Variants in TMEM132C observed in about 807,000 individuals in gnomAD.
TMEM132C encodes the protein transmembrane protein 132C.
TMEM132C carries 29 observed loss-of-function variants against 61.4 expected under a neutral mutation model. The ratio of observed to expected loss-of-function variants is 0.47; its 90% CI spans 0.35 to 0.64. The LOEUF is 0.64. Ranked by LOEUF, TMEM132C falls within the 30% of genes least tolerant of loss-of-function variation. The pLI is 0.00. For synonymous variants in TMEM132C, 656 were observed against 633.1 expected, an observed-to-expected ratio of 1.04 and a Z score of -0.54; for missense variants, 1,408 against 1,476.9, an observed-to-expected ratio of 0.95 and a Z score of 0.76.
chr12:128,639,238 G>C (rs1045202455), intron 4 of TMEM132C, among the ~76,000 whole-genome samples: 1 of 151,008 alleles, frequency 6.6e-6, no homozygotes, highest in Non-Finnish European at 1.5e-5. Context: ...TGGTGATGAT[G>C]ATGGTGATAA....
chr12:128,594,371 C>G (rs1875871113), intron 3 of TMEM132C, among the ~76,000 whole-genome samples: 2 of 151,578 alleles, frequency 1.3e-5, no homozygotes, highest in Non-Finnish European at 2.9e-5. Flanking sequence ...GCCCCCCAAC[C>G]CCACACACAC....
intron 2 of TMEM132C, among the ~76,000 whole-genome samples, chr12:128,484,600 A>T (rs1001584482): frequency 3.9e-5 from 6 of 152,174 alleles, no homozygotes; most frequent in Non-Finnish European, 7.3e-5. Flanking sequence ...TAAAAGGGCC[A>T]TTATGCAGGA....
chr12:128,636,422 T>A (rs1954104180), intron 4 of TMEM132C, among the ~76,000 whole-genome samples: 1 of 152,198 alleles, frequency 6.6e-6, no homozygotes, highest in African/African-American at 2.4e-5. Context: ...ATGTTTAATG[T>A]ACACAATTTC....
In TMEM132C at chr12:128,467,901, C is replaced by G. The variant is rs150096865; in HGVS notation, c.974+52281C>G. Among the ~76,000 whole-genome samples, 350 of 152,318 alleles carry G rather than the reference C, an allele frequency of 2.3e-3. 1 individual carries two copies. Among genetic ancestry groups the G allele is most frequent in the African/African-American group, 7.8e-3 (325 of 41,568 alleles). On this transcript the variant is annotated intron_variant, in intron 2 of 8. Coordinates refer to ENST00000435159, the MANE Select transcript of TMEM132C (RefSeq NM_001136103.3). ...GTGTTACACCAGGATGCTCCTCGCC[C>G]TCATGAGGTTTATAGTCCGGTGGAG...
At chr12:128,551,568 A>G (rs1874176980) in intron 3 of TMEM132C, among the ~76,000 whole-genome samples, 1 of 152,188 alleles carries the variant, frequency 6.6e-6, no homozygotes, top group Admixed American at 6.5e-5. Flanking sequence ...AGCAATTAGC[A>G]TGCTGCCCAG....
chr12:128,360,979 G>A (rs556740754), intron 1 of TMEM132C, among the ~76,000 whole-genome samples: 28 of 152,276 alleles, frequency 1.8e-4, no homozygotes, highest in African/African-American at 6.7e-4. Flanking sequence ...TCAACACATA[G>A]GTCATGAGCT....
At chr12:128,577,673 G>GC (rs1225432416) in intron 3 of TMEM132C, among the ~76,000 whole-genome samples, 2 of 152,230 alleles carry the variant, frequency 1.3e-5, no homozygotes, top group African/African-American at 2.4e-5. Context: ...CTCCAGCCTT[G>GC]CCCTCCTGAA....
At chr12:128,305,493 C>T (rs924829483) in intron 1 of TMEM132C, among the ~76,000 whole-genome samples, 4 of 151,596 alleles carry the variant, frequency 2.6e-5, no homozygotes, top group Admixed American at 6.6e-5. Context: ...GTTAAGTTTC[C>T]GCCGAACTTT....
chr12:128,571,730 A>G (rs1348774782), intron 3 of TMEM132C, among the ~76,000 whole-genome samples: 1 of 152,256 alleles, frequency 6.6e-6, no homozygotes, highest in Non-Finnish European at 1.5e-5. Flanking sequence ...TCTGTTGCAG[A>G]GTCCACAAGA....
At chr12:128,283,255 C>T (rs978305859) in intron 1 of TMEM132C, among the ~76,000 whole-genome samples, 2 of 152,148 alleles carry the variant, frequency 1.3e-5, no homozygotes, top group Non-Finnish European at 2.9e-5. Context: ...TCTGACATGT[C>T]CTCCTTCTTT....
intron 2 of TMEM132C, among the ~76,000 whole-genome samples, chr12:128,445,597 C>T (rs754569112): frequency 2.1e-4 from 32 of 152,144 alleles, no homozygotes; most frequent in Admixed American, 4.6e-4. Context: ...TCTTCAGCTC[C>T]GCGGACCATC....
chr12:128,441,028 C>T (rs750550731), intron 2 of TMEM132C, among the ~76,000 whole-genome samples: 4 of 152,122 alleles, frequency 2.6e-5, no homozygotes, highest in Middle Eastern at 3.4e-3. Context: ...GCGACAAGAG[C>T]GAAACTCCAT....
chr12:128,548,046 G>T (rs1271017525), intron 3 of TMEM132C, among the ~76,000 whole-genome samples: 1 of 152,210 alleles, frequency 6.6e-6, no homozygotes, highest in African/African-American at 2.4e-5. Context: ...ATCAGGAGAT[G>T]ATGGTAGCTG....
chr12:128,563,104 A>G (rs1022921160), intron 3 of TMEM132C, among the ~76,000 whole-genome samples: 20 of 152,272 alleles, frequency 1.3e-4, no homozygotes, highest in African/African-American at 4.8e-4. Context: ...AGCTGTGCCT[A>G]GCTGCAAGGG....
intron 4 of TMEM132C, among the ~76,000 whole-genome samples, chr12:128,654,959 T>C (rs1469837542): frequency 1.3e-5 from 2 of 152,206 alleles, no homozygotes; most frequent in Non-Finnish European, 2.9e-5. Context: ...TCCCCTGCCC[T>C]GCCACCTCGG....
At chr12:128,454,089 G>C (rs898630696) in intron 2 of TMEM132C, among the ~76,000 whole-genome samples, 38 of 152,090 alleles carry the variant, frequency 2.5e-4, no homozygotes, top group African/African-American at 8.2e-4. Flanking sequence ...TGCCCATCTA[G>C]GTCCACAAGG....
chr12:128,482,443 CGTT>C (rs1565949301), intron 2 of TMEM132C, among the ~76,000 whole-genome samples: 1 of 152,024 alleles, frequency 6.6e-6, no homozygotes, highest in Non-Finnish European at 1.5e-5. Context: ...TTGTTGTTGT[CGTT>C]GTGTCTCTGT....
chr12:128,563,337 T>A (rs567197735), intron 3 of TMEM132C, among the ~76,000 whole-genome samples: 1 of 152,282 alleles, frequency 6.6e-6, no homozygotes, highest in Admixed American at 6.5e-5. Context: ...TGGAGGCCAT[T>A]CTGGAAGGAG....
intron 1 of TMEM132C, among the ~76,000 whole-genome samples, chr12:128,273,285 TTATG>T (rs1289606593): frequency 6.6e-6 from 1 of 152,208 alleles, no homozygotes; most frequent in Non-Finnish European, 1.5e-5. Flanking sequence ...CAATCCACCT[TTATG>T]TAATGCCTTT....
Sources: gnomAD v4.1 joint callset for allele counts (sites outside exome capture counted in the v4.1 genomes callset) on GRCh38, gnomAD v4.1.1 for gene constraint, MANE v1.5 for transcripts, NCBI Gene and HGNC (gene_info 2026-07-23, HGNC 2026-07-21) for gene names.